Variants in SLC6A11 observed in about 807,000 individuals in gnomAD.
SLC6A11 encodes the protein solute carrier family 6 member 11.
In SLC6A11, 25 loss-of-function variants were observed where a neutral mutation model predicts 74.8. The ratio of observed to expected loss-of-function variants is 0.33; its 90% confidence interval spans 0.24 to 0.47. SLC6A11 has a LOEUF of 0.47. SLC6A11 is among the 20% of genes least tolerant of loss of function. SLC6A11 has a pLI of 1.00. For missense variants in SLC6A11, 574 were observed against 837.0 expected (o/e 0.69, Z 3.88); for synonymous variants, 330 against 330.2 (o/e 1.00, Z 0.01).
intron 6 of SLC6A11, among the ~76,000 whole-genome samples, chr3:10,894,273 A>T (rs1000191619): frequency 6.6e-6 from 1 of 152,206 alleles, no homozygotes; most frequent in Non-Finnish European, 1.5e-5. Context: ...TCAGATGAGC[A>T]TAGGAGAGGC....
intron 4 of SLC6A11, among the ~76,000 whole-genome samples, chr3:10,841,624 G>C (rs1694438254): frequency 6.6e-6 from 1 of 152,234 alleles, no homozygotes; most frequent in Admixed American, 6.5e-5. Flanking sequence ...TTAAGCGAGA[G>C]GGTGCCGGAG....
chr3:10,875,132 C>T (rs759764147), intron 6 of SLC6A11, 37 bp downstream of exon 6: 5 of 1,546,960 alleles, frequency 3.2e-6, no homozygotes, highest in Middle Eastern at 1.8e-4. Flanking sequence ...CATCACCCAC[C>T]ACCACTGGGA....
chr3:10,830,060 G>C (rs6789517), intron 4 of SLC6A11, among the ~76,000 whole-genome samples: 5,612 of 147,862 alleles, frequency 0.038, 166 homozygotes, highest in South Asian at 0.13. Flanking sequence ...TGGGAAGTAG[G>C]AAAAAAAAAA....
chr3:10,906,500 A>G (rs1695304393), intron 6 of SLC6A11, among the ~76,000 whole-genome samples: 1 of 152,180 alleles, frequency 6.6e-6, no homozygotes, highest in Admixed American at 6.5e-5. Flanking sequence ...AAACCCATAA[A>G]GCTCTAACAT....
intron 3 of SLC6A11, 72 bp from the exon 4 acceptor site, chr3:10,823,230 C>G: frequency 8.7e-7 from 1 of 1,155,134 alleles, no homozygotes; most frequent in African/African-American, 1.5e-5. Context: ...CGCATCAGCT[C>G]TGAATGTTTT....
In SLC6A11 at chr3:10,917,414, C is replaced by G. The variant is rs570920045; in HGVS notation, c.996-915C>G. 8.5e-4 allele frequency among the ~76,000 whole-genome samples: 129 copies of G among 152,290 alleles called. 3 individuals carry two copies. In the South Asian group the frequency reaches 0.026, roughly 30 times the overall value. On this transcript the variant is annotated intron_variant, in intron 7 of 13. Transcript: ENST00000254488. Reference sequence around the variant, plus strand: ...GATGCCATGGAGGCTAGTCATGCCTCTGGCAGGAGGTTGAACAAGGTCACC... The same window carrying G: ...GATGCCATGGAGGCTAGTCATGCCTGTGGCAGGAGGTTGAACAAGGTCACC...
At chr3:10,882,270 C>A (rs1421659856) in intron 6 of SLC6A11, among the ~76,000 whole-genome samples, 3 of 152,208 alleles carry the variant, frequency 2.0e-5, no homozygotes, top group Non-Finnish European at 2.9e-5. Flanking sequence ...AGAATAGCTT[C>A]TCCACTGATC....
intron 6 of SLC6A11, among the ~76,000 whole-genome samples, chr3:10,908,789 A>C (rs887948337): frequency 1.3e-5 from 2 of 152,200 alleles, no homozygotes; most frequent in African/African-American, 4.8e-5. Context: ...ATGCTGGTCC[A>C]TCAGTAATTT....
chr3:10,866,197 A>T (rs980771577), intron 5 of SLC6A11, among the ~76,000 whole-genome samples: 2 of 152,184 alleles, frequency 1.3e-5, no homozygotes, highest in African/African-American at 2.4e-5. Flanking sequence ...ATTTCAGCCC[A>T]TGGGAAGGGC....
intron 5 of SLC6A11, among the ~76,000 whole-genome samples, chr3:10,873,499 C>G (rs1187761982): frequency 1.3e-5 from 2 of 151,386 alleles, no homozygotes; most frequent in Non-Finnish European, 2.9e-5. Flanking sequence ...CCTATGCTAT[C>G]CTATCCTATC....
At chr3:10,868,530 G>C (rs1299359007) in intron 5 of SLC6A11, among the ~76,000 whole-genome samples, 2 of 152,218 alleles carry the variant, frequency 1.3e-5, no homozygotes, top group Admixed American at 6.5e-5. Context: ...TGTGAAAAGG[G>C]AATTAAACAA....
Position 10,816,380 on chromosome 3 carries a change from C to A in SLC6A11, c.115C>A (p.Pro39Thr), listed in dbSNP as rs1425548650. Residue 39 changes from proline (P) to threonine (T), a missense_variant, in exon 1 of 14, where the codon CCG becomes ACG. Around this residue, in one of 4 missense-constraint regions of SLC6A11, gnomAD observed 86 missense variants for 87.4 expected, o/e 0.98. Coordinates refer to ENST00000254488, the MANE Select transcript of SLC6A11 (RefSeq NM_014229.3). The surrounding 1 kb of genome is among the most constrained non-coding windows in gnomAD (Gnocchi z 4.2). Reference protein sequence around the residue: ...SSGGAAPARHPRVKRDKAVHE... With the variant: ...SSGGAAPARHTRVKRDKAVHE... ...CGGGGGCGCGGCGCCCGCGCGCCAC[C>A]CGCGCGTCAAGCGCGACAAGGCGGT... 2 of 1,503,964 alleles carry A rather than the reference C, an allele frequency of 1.3e-6. No homozygotes were observed. Among genetic ancestry groups the A allele is most frequent in the South Asian group, 1.3e-5 (1 of 77,818 alleles). 93.2% of individuals were successfully genotyped at this position (1,503,964 alleles called of 1,614,324 possible). A position where few individuals can be genotyped will look rare whatever the true frequency, so the allele number is the denominator to read the frequency against.
intron 4 of SLC6A11, among the ~76,000 whole-genome samples, chr3:10,839,485 G>A (rs1037366826): frequency 1.3e-5 from 2 of 152,082 alleles, no homozygotes; most frequent in African/African-American, 4.8e-5. Context: ...CCTCTGCCTT[G>A]AGGATACCCC....
chr3:10,868,781 T>G (rs955585766), intron 5 of SLC6A11, among the ~76,000 whole-genome samples: 1 of 152,262 alleles, frequency 6.6e-6, no homozygotes. Flanking sequence ...CTCTTGCCTC[T>G]TCCAGACAAA....
At chr3:10,868,005 T>C (rs1408058741) in intron 5 of SLC6A11, among the ~76,000 whole-genome samples, 1 of 152,222 alleles carries the variant, frequency 6.6e-6, no homozygotes, top group Non-Finnish European at 1.5e-5. Flanking sequence ...ATTTGTTTAA[T>C]ATAAAAGAGT....
intron 5 of SLC6A11, among the ~76,000 whole-genome samples, chr3:10,855,955 T>C (rs1559561502): frequency 6.6e-6 from 1 of 152,224 alleles, no homozygotes; most frequent in Admixed American, 6.5e-5. Context: ...TCTTAGAGCA[T>C]GTATTTTTTT....
At chr3:10,858,418 T>C (rs1419109095) in intron 5 of SLC6A11, among the ~76,000 whole-genome samples, 1 of 152,214 alleles carries the variant, frequency 6.6e-6, no homozygotes, top group African/African-American at 2.4e-5. Context: ...GTTTTTTTGC[T>C]GTGTGAGGAT....
Position 10,881,700 on chromosome 3 carries a change from C to G in SLC6A11, c.891+6605C>G, listed in dbSNP as rs190281891. Reference sequence around the variant, plus strand: ...CATGAAGCCTGGGCCTGGGCCAGGACAAGTGGGCACGTGCAGGTCAGCAGG... The same window carrying G: ...CATGAAGCCTGGGCCTGGGCCAGGAGAAGTGGGCACGTGCAGGTCAGCAGG... On this transcript the variant is annotated intron_variant, in intron 6 of 13. Coordinates refer to ENST00000254488, the MANE Select transcript of SLC6A11 (RefSeq NM_014229.3). Among the ~76,000 whole-genome samples, 783 of 152,338 alleles carry G rather than the reference C, an allele frequency of 5.1e-3. 5 individuals carry two copies. The highest frequency in any genetic ancestry group is 0.015 in the South Asian group (73 of 4,832).
chr3:10,883,569 C>T (rs981718613), intron 6 of SLC6A11, among the ~76,000 whole-genome samples: 1 of 152,174 alleles, frequency 6.6e-6, no homozygotes, highest in Non-Finnish European at 1.5e-5. Flanking sequence ...GATGCCCACA[C>T]TGTGAGAGCA....
Sources: allele counts gnomAD v4.1 joint callset (sites outside exome capture counted in the v4.1 genomes callset), GRCh38; gene constraint gnomAD v4.1.1; regional missense constraint gnomAD v4.1.1; non-coding constraint Gnocchi (gnomAD v3.1); transcripts MANE v1.5; gene names NCBI Gene and HGNC (gene_info 2026-07-23, HGNC 2026-07-21).